MALRD1: variants seen among roughly 807,000 people sequenced by gnomAD.
MALRD1 encodes MAM and LDL receptor class A domain containing 1.
Under a neutral mutation model 242.1 loss-of-function variants are expected in MALRD1, and 247 were observed. The ratio of observed to expected loss-of-function variants is 1.02; its 90% CI spans 0.92 to 1.13. The LOEUF is 1.13. Ranked by LOEUF, MALRD1 falls within the 50% of genes most tolerant of loss-of-function variation. The pLI is 0.00. For missense variants in MALRD1, 2,989 were observed against 2,533.1 expected, an observed-to-expected ratio of 1.18 and a Z score of -3.86; for synonymous variants, 995 against 866.6, an observed-to-expected ratio of 1.15 and a Z score of -2.60.
intron 32 of MALRD1, among the ~76,000 whole-genome samples, chr10:19,551,782 T>G (rs1835481198): frequency 6.6e-6 from 1 of 152,174 alleles, no homozygotes; most frequent in South Asian, 2.1e-4. Context: ...TCTAGTTTAT[T>G]GAGAGTTTTT....
At chr10:19,468,703 C>G (rs1366892088) in intron 29 of MALRD1, among the ~76,000 whole-genome samples, 1 of 151,856 alleles carries the variant, frequency 6.6e-6, no homozygotes, top group Non-Finnish European at 1.5e-5. Flanking sequence ...CCCTACACCA[C>G]CAAAGCCTCA....
At chr10:19,119,345 A>G (rs181800094) in intron 5 of MALRD1, among the ~76,000 whole-genome samples, 2 of 152,176 alleles carry the variant, frequency 1.3e-5, no homozygotes, top group Non-Finnish European at 2.9e-5. Flanking sequence ...TGGGAATTGC[A>G]ATAGAGAAAG....
intron 39 of MALRD1, among the ~76,000 whole-genome samples, chr10:19,733,679 C>T (rs1469742018): frequency 6.7e-6 from 1 of 148,394 alleles, no homozygotes; most frequent in South Asian, 2.1e-4. Flanking sequence ...AACCAGATTG[C>T]TTGTCCTATA....
rs924708048 is a variant in MALRD1, at chr10:19,493,826, C to CA, written c.5158+2187dup. 2.0e-5 allele frequency among the ~76,000 whole-genome samples: 3 copies of CA among 150,988 alleles called. No individual in the cohort carries two copies. In the East Asian group the frequency reaches 5.8e-4, roughly 29 times the overall value. ...AGACTCGTCTCAAAAAACAAAAAAA[C>CA]AAAAAACACGACAAAAGTGTATTTT... On this transcript the variant is annotated intron_variant, in intron 30 of 39. Transcript: ENST00000454679.
At chr10:19,496,263 A>T (rs1323004326) in intron 30 of MALRD1, among the ~76,000 whole-genome samples, 2 of 152,196 alleles carry the variant, frequency 1.3e-5, no homozygotes, top group Non-Finnish European at 2.9e-5. Flanking sequence ...ACCACAGAAT[A>T]TACATTCTTA....
chr10:19,558,585 T>C (rs1392863066), intron 32 of MALRD1, among the ~76,000 whole-genome samples: 1 of 152,220 alleles, frequency 6.6e-6, no homozygotes, highest in Non-Finnish European at 1.5e-5. Context: ...GAATAAATCC[T>C]ACCAGATCAT....
intron 31 of MALRD1, among the ~76,000 whole-genome samples, chr10:19,502,298 A>T (rs2026464): frequency 6.6e-6 from 1 of 151,934 alleles, no homozygotes; most frequent in East Asian, 1.9e-4. Flanking sequence ...TTTCTAGTAA[A>T]CTCAGAGTAA....
chr10:19,432,106 T>A (rs973307839), intron 28 of MALRD1, among the ~76,000 whole-genome samples: 1 of 152,148 alleles, frequency 6.6e-6, no homozygotes, highest in African/African-American at 2.4e-5. Flanking sequence ...TTTAATTAGG[T>A]TAGTGAGCCT....
In MALRD1 at chr10:19,567,331, T is replaced by C. The variant is rs559237084; in HGVS notation, c.5479-171T>C. Among the ~76,000 whole-genome samples, 317 of 152,246 alleles carry C rather than the reference T, an allele frequency of 2.1e-3. 2 individuals are homozygous for C. Among genetic ancestry groups the C allele is most frequent in the African/African-American group, 6.2e-3 (258 of 41,534 alleles). ...AAGGTCCTACTAACCCAGGAAAATA[T>C]AACATCCATTGGCTCACTTTATAAC... On this transcript the variant is annotated intron_variant, in intron 32 of 39. Coordinates refer to ENST00000454679, the MANE Select transcript of MALRD1 (RefSeq NM_001142308.3).
At chr10:19,648,388 T>G (rs1028447776) in intron 36 of MALRD1, among the ~76,000 whole-genome samples, 1 of 151,470 alleles carries the variant, frequency 6.6e-6, no homozygotes, top group Non-Finnish European at 1.5e-5. Context: ...AATCAAACCT[T>G]GACAGATGCA....
At chr10:19,235,315 C>T (rs890154227) in intron 18 of MALRD1, among the ~76,000 whole-genome samples, 4 of 151,858 alleles carry the variant, frequency 2.6e-5, no homozygotes, top group East Asian at 1.9e-4. Context: ...CCATTCCAAC[C>T]GGTATGAAAT....
chr10:19,330,640 T>C (rs531257737), intron 23 of MALRD1, among the ~76,000 whole-genome samples: 1 of 152,306 alleles, frequency 6.6e-6, no homozygotes, highest in Admixed American at 6.5e-5. Flanking sequence ...GAAACAACAT[T>C]CATTTTTATT....
chr10:19,228,235 T>C (rs1304445104), intron 18 of MALRD1, among the ~76,000 whole-genome samples: 3 of 152,128 alleles, frequency 2.0e-5, no homozygotes, highest in Non-Finnish European at 4.4e-5. Flanking sequence ...AGCAAACTGA[T>C]ACAACAGCAA....
intron 26 of MALRD1, among the ~76,000 whole-genome samples, chr10:19,378,628 G>T (rs1845705243): frequency 6.6e-6 from 1 of 151,972 alleles, no homozygotes; most frequent in Admixed American, 6.6e-5. Flanking sequence ...TTTGTTTATG[G>T]TTATTTATAT....
At chr10:19,152,963 G>T (rs1047904921) in intron 11 of MALRD1, among the ~76,000 whole-genome samples, 1 of 152,016 alleles carries the variant, frequency 6.6e-6, no homozygotes, top group Non-Finnish European at 1.5e-5. Flanking sequence ...TTGCCATTTA[G>T]AATGCTATTT....
intron 29 of MALRD1, among the ~76,000 whole-genome samples, chr10:19,471,283 G>A (rs1360093821): frequency 6.6e-6 from 1 of 151,634 alleles, no homozygotes; most frequent in Admixed American, 6.6e-5. Flanking sequence ...ATGTTCCATT[G>A]GTCTATGGGT....
In MALRD1 at chr10:19,607,867, G is replaced by A. The variant is rs746448556; in HGVS notation, c.6035G>A (p.Cys2012Tyr). 1.3e-6 allele frequency: 2 copies of A among 1,549,744 alleles called. No individual in the cohort carries two copies. The highest frequency in any genetic ancestry group is 2.4e-5 in the East Asian group (1 of 40,860). Residue 2012 changes from cysteine to tyrosine, a missense_variant, in exon 35 of 40, where the codon TGC (cysteine) becomes TAC (tyrosine). By Grantham distance (194) the Cys-to-Tyr change is radical. Transcript: ENST00000454679. ...AHQRCDGFAD[C>Y]MDFQLDESSC... Reference sequence around the variant, plus strand: ...CAGCGCTGTGATGGTTTTGCCGACTGCATGGATTTCCAGCTTGATGAGTCC... The same window carrying A: ...CAGCGCTGTGATGGTTTTGCCGACTACATGGATTTCCAGCTTGATGAGTCC...
chr10:19,133,261 G>T (rs1385185647), intron 8 of MALRD1, among the ~76,000 whole-genome samples: 1 of 152,126 alleles, frequency 6.6e-6, no homozygotes, highest in Non-Finnish European at 1.5e-5. Context: ...AATGATCATT[G>T]TACAGGTACA....
At position 19,379,867 on chromosome 10, in the gene MALRD1, G is replaced by C. The variant is rs189374715; in HGVS notation, c.4442-7661G>C. Among the ~76,000 whole-genome samples the C allele has an allele frequency of 8.5e-5, 13 of 152,066 alleles. No homozygotes were observed. In the East Asian group the frequency reaches 2.5e-3, roughly 29 times the overall value. ...TATCAGTAACTGAAAGAAGGGTGGT[G>C]ATACTTCCAAATAACCTTGCAGTTT... On this transcript the variant is annotated intron_variant, in intron 26 of 39. Coordinates refer to ENST00000454679, the MANE Select transcript of MALRD1 (RefSeq NM_001142308.3).
Sources: allele counts gnomAD v4.1 joint callset (sites outside exome capture counted in the v4.1 genomes callset), GRCh38; gene constraint gnomAD v4.1.1; transcripts MANE v1.5; gene names NCBI Gene and HGNC (gene_info 2026-07-23, HGNC 2026-07-21).